HSPA4: variants seen among roughly 807,000 people sequenced by gnomAD.
HSPA4 encodes the protein heat shock 70 kDa protein 4.
Under a neutral mutation model 106.2 loss-of-function variants are expected in HSPA4, and 25 were observed. The observed-to-expected ratio is 0.24, with a 90% confidence interval of 0.17 to 0.33. The LOEUF (loss-of-function observed/expected upper bound fraction) is 0.33. Ranked by LOEUF, HSPA4 falls within the 10% of genes least tolerant of loss-of-function variation. The pLI is 1.00. For synonymous variants in HSPA4, 332 were observed against 333.6 expected (o/e 1.00, Z 0.05); for missense variants, 841 against 996.0 (o/e 0.84, Z 2.10).
intron 7 of HSPA4, among the ~76,000 whole-genome samples, chr5:133,079,417 T>A (rs984680810): frequency 1.3e-5 from 2 of 152,262 alleles, no homozygotes; most frequent in African/African-American, 4.8e-5. Flanking sequence ...TCTTTCGTTC[T>A]GACTTCTCAG....
intron 17 of HSPA4, among the ~76,000 whole-genome samples, chr5:133,103,253 G>A (rs972994663): frequency 9.2e-5 from 14 of 151,838 alleles, no homozygotes; most frequent in African/African-American, 3.4e-4. Flanking sequence ...TGTGGAGATG[G>A]GCTCATTGTG....
intron 1 of HSPA4, among the ~76,000 whole-genome samples, chr5:133,056,546 C>G (rs561392905): frequency 1.3e-5 from 2 of 152,250 alleles, no homozygotes; most frequent in Non-Finnish European, 2.9e-5. Context: ...GCTGGGAATA[C>G]AGGCGTGAGC....
Position 133,086,833 on chromosome 5 carries a change from A to G in HSPA4, c.960A>G (p.Pro320=). Residue 320 remains proline (P), a synonymous_variant, in exon 8 of 19, where the codon CCA becomes CCG. Coordinates refer to ENST00000304858, the MANE Select transcript of HSPA4 (RefSeq NM_002154.4). ...ATCTCTTAGCTAGAGTGGAGCCACC[A>G]CTTCGTAGTGTTTTGGAACAAACCA... ...CNDLLARVEP[P]LRSVLEQTKL... The G allele has an allele frequency of 6.2e-7, 1 of 1,613,510 alleles. No individual in the cohort carries two copies. The highest frequency in any genetic ancestry group is 8.5e-7 in the Non-Finnish European group (1 of 1,179,486).
At chr5:133,096,564 A>G (rs1322456702) in intron 14 of HSPA4, among the ~76,000 whole-genome samples, 1 of 152,118 alleles carries the variant, frequency 6.6e-6, no homozygotes, top group African/African-American at 2.4e-5. Context: ...AGAGATTGGG[A>G]TATTTGAGGT....
intron 8 of HSPA4, 28 bp from the exon 9 acceptor site, chr5:133,088,376 A>G (rs1439397180): frequency 6.7e-7 from 1 of 1,494,556 alleles, no homozygotes; most frequent in Non-Finnish European, 9.2e-7. Flanking sequence ...ATTTCATTAA[A>G]AAAATCTGTC....
At chr5:133,061,787 TTTTTTTG>T (rs1290925517) in intron 1 of HSPA4, among the ~76,000 whole-genome samples, 2 of 152,098 alleles carry the variant, frequency 1.3e-5, no homozygotes, top group African/African-American at 4.8e-5. Flanking sequence ...GCCTGGCTAA[TTTTTTTG>T]TTTTTTGTTT....
intron 11 of HSPA4, among the ~76,000 whole-genome samples, 178 bp downstream of exon 11, chr5:133,089,873 T>G (rs1765623713): frequency 6.6e-6 from 1 of 152,046 alleles, no homozygotes; most frequent in Non-Finnish European, 1.5e-5. Flanking sequence ...AAAAAAAAGC[T>G]TATCTACTTG....
At chr5:133,091,760 A>G (rs1375809299) in intron 12 of HSPA4, among the ~76,000 whole-genome samples, 1 of 152,138 alleles carries the variant, frequency 6.6e-6, no homozygotes, top group Non-Finnish European at 1.5e-5. Flanking sequence ...CAAAACTACA[A>G]ATTACCTATG....
intron 13 of HSPA4, among the ~76,000 whole-genome samples, 177 bp downstream of exon 13, chr5:133,092,966 G>A (rs937643348): frequency 6.7e-6 from 1 of 149,488 alleles, no homozygotes. Flanking sequence ...GATTACAGAC[G>A]CCCACCACCA....
intron 5 of HSPA4, 100 bp downstream of exon 5, chr5:133,073,429 C>A: frequency 2.7e-6 from 2 of 748,864 alleles, no homozygotes; most frequent in East Asian, 2.6e-5. Flanking sequence ...GCTTTCAGCA[C>A]TGCTGCTCTT....
At chr5:133,084,467 A>G (rs1213873645) in intron 7 of HSPA4, among the ~76,000 whole-genome samples, 2 of 151,932 alleles carry the variant, frequency 1.3e-5, no homozygotes, top group Non-Finnish European at 2.9e-5. Flanking sequence ...TGCATTCTAT[A>G]CTTTACTATT....
chr5:133,056,507 G>A (rs1039664580), intron 1 of HSPA4, among the ~76,000 whole-genome samples: 2 of 152,198 alleles, frequency 1.3e-5, no homozygotes, highest in Admixed American at 6.5e-5. Context: ...CTGGTCTCAA[G>A]TGATCCGCCC....
chr5:133,052,400 A>G (rs1437645457), intron 1 of HSPA4, 43 bp downstream of exon 1: 11 of 1,274,188 alleles, frequency 8.6e-6, no homozygotes, highest in Admixed American at 2.3e-5. Flanking sequence ...GGGTTAGGAG[A>G]TAATGCTTGT....
rs1765708743 is a variant in HSPA4 at position 133,096,147 on chromosome 5, C to T, written c.1700C>T (p.Ala567Val). Residue 567 changes from alanine (A) to valine (V), a missense_variant, in exon 14 of 19, where the codon GCC becomes GTC. Around this residue, in one of 5 missense-constraint regions of HSPA4, gnomAD observed 328 missense variants for 372.2 expected, o/e 0.88. Coordinates refer to ENST00000304858, the MANE Select transcript of HSPA4 (RefSeq NM_002154.4). ...KDKKMDQPPQ[A>V]KKAKVKTSTV... is the part of the protein sequence containing the mutation. ...AAAAAGATGGACCAACCACCCCAAGCCAAGAAGGCAAAAGTGAAGACCAGT... is the reference window on the plus strand; with the variant it reads ...AAAAAGATGGACCAACCACCCCAAGTCAAGAAGGCAAAAGTGAAGACCAGT... 6.2e-7 allele frequency: 1 copy of T among 1,613,984 alleles called. No individual in the cohort carries two copies. Among genetic ancestry groups the T allele is most frequent in the Non-Finnish European group, 8.5e-7 (1 of 1,179,936 alleles).
chr5:133,062,599 A>G (rs1765257827), intron 1 of HSPA4, among the ~76,000 whole-genome samples: 1 of 152,184 alleles, frequency 6.6e-6, no homozygotes, highest in Non-Finnish European at 1.5e-5. Context: ...AGTGTCTAAA[A>G]CAGAGATTTT....
chr5:133,065,004 G>T lies in HSPA4; in HGVS notation c.132G>T (p.Lys44Asn), dbSNP rs1765290197. 6.2e-7 allele frequency: 1 copy of T among 1,614,018 alleles called. No homozygotes were observed. The highest frequency in any genetic ancestry group is 1.1e-5 in the South Asian group (1 of 91,060). ...GGGCTTGCATTTCTTTTGGTCCTAA[G>T]AATCGTTCAATTGGAGCAGCAGCTA... ...CTPACISFGPKNRSIGAAAKS... is the reference protein window; with the variant it reads ...CTPACISFGPNNRSIGAAAKS... The change falls in exon 2 of 19, where the codon AAG (lysine) becomes AAT (asparagine). Residue 44 changes from lysine (K) to asparagine (N), a missense_variant. This residue lies in a region of HSPA4 where 347 missense variants were observed against 408.7 expected (regional missense o/e 0.85). Coordinates refer to ENST00000304858, the MANE Select transcript of HSPA4 (RefSeq NM_002154.4).
intron 3 of HSPA4, among the ~76,000 whole-genome samples, chr5:133,069,357 C>T (rs1765352786): frequency 6.6e-6 from 1 of 151,712 alleles, no homozygotes; most frequent in Non-Finnish European, 1.5e-5. Context: ...TCAAGCAATT[C>T]TCATGCTTCA....
At position 133,101,858 on chromosome 5, in the gene HSPA4, A is replaced by G. The variant is rs762000766; in HGVS notation, c.2137A>G (p.Ile713Val). The change falls in exon 17 of 19, where the codon ATC becomes GTC. Residue 713 changes from isoleucine (I) to valine (V), a missense_variant. Ile to Val is a conservative substitution (Grantham distance 29, BLOSUM62 3). This residue lies in a region of HSPA4 where 328 missense variants were observed against 372.2 expected (regional missense o/e 0.88). Transcript: ENST00000304858. ...GKQIQQYMKIISSFKNKEDQY... is the reference protein window; with the variant it reads ...GKQIQQYMKIVSSFKNKEDQY... ...ACAGATCCAACAGTATATGAAAATAATCAGCTCTTTCAAAAACAAGGTAAC... is the reference window on the plus strand; with the variant it reads ...ACAGATCCAACAGTATATGAAAATAGTCAGCTCTTTCAAAAACAAGGTAAC... 5 of 1,584,192 alleles carry G rather than the reference A, an allele frequency of 3.2e-6. No individual in the cohort carries two copies. In the East Asian group the frequency reaches 6.7e-5, roughly 21 times the overall value.
chr5:133,060,335 T>C (rs1581464312), intron 1 of HSPA4, among the ~76,000 whole-genome samples: 1 of 152,096 alleles, frequency 6.6e-6, no homozygotes, highest in Non-Finnish European at 1.5e-5. Context: ...TGTAAGCCTT[T>C]AGTTTTCAAA....
Sources: allele counts gnomAD v4.1 joint callset (sites outside exome capture counted in the v4.1 genomes callset), GRCh38; gene constraint gnomAD v4.1.1; regional missense constraint gnomAD v4.1.1; transcripts MANE v1.5; gene names NCBI Gene and HGNC (gene_info 2026-07-23, HGNC 2026-07-21).